BRD10: variants seen among roughly 807,000 people sequenced by gnomAD.
The protein encoded by BRD10 is bromodomain containing 10.
the BRD10 span, chr9:5,921,908 G>A: frequency 1.2e-6 from 2 of 1,613,962 alleles, no homozygotes; most frequent in South Asian, 2.2e-5. Context: ...CCCCATGGAT[G>A]GGGCAAAGCT....
the BRD10 span, among the ~76,000 whole-genome samples, chr9:5,925,065 T>G: frequency 6.6e-6 from 1 of 151,856 alleles, no homozygotes; most frequent in South Asian, 2.1e-4. Flanking sequence ...ACTTAAAAAA[T>G]TATATGTATC....
chr9:5,881,616 G>T, the BRD10 span: 1 of 152,248 alleles, frequency 6.6e-6, no homozygotes, highest in African/African-American at 2.4e-5. Context: ...TTGAAGGGCT[G>T]TGTACAGTGA....
the BRD10 span, chr9:5,954,079 A>G: frequency 3.9e-6 from 6 of 1,550,314 alleles, no homozygotes; most frequent in African/African-American, 4.1e-5. Flanking sequence ...TTGCTTTTTT[A>G]GAGACGGATT....
chr9:5,997,800 T>C, the BRD10 span, among the ~76,000 whole-genome samples: 2 of 152,100 alleles, frequency 1.3e-5, no homozygotes, highest in African/African-American at 4.8e-5. Context: ...CACTTATAGG[T>C]AGTGGGGTAG....
the BRD10 span, chr9:5,920,291 T>C: frequency 1.2e-6 from 2 of 1,613,974 alleles, no homozygotes; most frequent in Non-Finnish European, 1.7e-6. Context: ...TCCAAGACCT[T>C]GTGGTGGAAC....
the BRD10 span, among the ~76,000 whole-genome samples, chr9:5,985,275 C>T: frequency 6.6e-6 from 1 of 152,056 alleles, no homozygotes; most frequent in Admixed American, 6.5e-5. Context: ...ATAAACATAA[C>T]CAGAAAAACC....
the BRD10 span, among the ~76,000 whole-genome samples, chr9:5,906,667 G>C: frequency 6.6e-6 from 1 of 152,204 alleles, no homozygotes; most frequent in African/African-American, 2.4e-5. Flanking sequence ...TTTACTTCTA[G>C]TTAATTCCCA....
the BRD10 span, among the ~76,000 whole-genome samples, chr9:5,915,836 G>A: frequency 2.0e-5 from 3 of 152,254 alleles, no homozygotes; most frequent in East Asian, 1.9e-4. Flanking sequence ...CAAGAAGTGC[G>A]TAGAATACAT....
At chr9:5,941,559 A>G in the BRD10 span, among the ~76,000 whole-genome samples, 1 of 152,190 alleles carries the variant, frequency 6.6e-6, no homozygotes, top group South Asian at 2.1e-4. Flanking sequence ...AAATGGAGTG[A>G]TGGGATCAAG....
chr9:5,962,082 T>G, the BRD10 span, among the ~76,000 whole-genome samples: 59 of 149,202 alleles, frequency 4.0e-4, no homozygotes, highest in Middle Eastern at 3.2e-3. Flanking sequence ...GGGTGTCAAT[T>G]TTGGATCTTT....
chr9:5,955,938 G>T, the BRD10 span, among the ~76,000 whole-genome samples: 1 of 151,942 alleles, frequency 6.6e-6, no homozygotes, highest in Non-Finnish European at 1.5e-5. Flanking sequence ...TTGCTGAAGG[G>T]GGCTCATGAA....
chr9:5,979,239 C>T, the BRD10 span, among the ~76,000 whole-genome samples: 1 of 152,204 alleles, frequency 6.6e-6, no homozygotes, highest in Non-Finnish European at 1.5e-5. Context: ...ACTGGCTGGG[C>T]ATGGTGGCTC....
chr9:5,940,251 T>C, the BRD10 span, among the ~76,000 whole-genome samples: 1 of 152,168 alleles, frequency 6.6e-6, no homozygotes, highest in African/African-American at 2.4e-5. Flanking sequence ...TTGAGCACAG[T>C]GGTGCGATCT....
chr9:5,944,843 T>C, the BRD10 span: 1 of 1,130,034 alleles, frequency 8.8e-7, no homozygotes, highest in Non-Finnish European at 1.3e-6. Flanking sequence ...CTGACAATAA[T>C]AGATAGAACT....
the BRD10 span, among the ~76,000 whole-genome samples, chr9:5,963,638 C>G: frequency 1.3e-5 from 2 of 152,076 alleles, no homozygotes; most frequent in African/African-American, 4.8e-5. Flanking sequence ...AGGCATCACG[C>G]TACCTGACTT....
the BRD10 span, chr9:5,924,866 TAATA>T: frequency 6.4e-6 from 9 of 1,408,020 alleles, no homozygotes; most frequent in Non-Finnish European, 7.5e-6. Context: ...ATGCCCAACA[TAATA>T]AATAATACAT....
chr9:5,885,232 G>A, the BRD10 span, among the ~76,000 whole-genome samples: 1 of 152,170 alleles, frequency 6.6e-6, no homozygotes, highest in Non-Finnish European at 1.5e-5. Context: ...TTAACAATTA[G>A]CCATGGCCAT....
At chr9:5,938,309 G>T in the BRD10 span, among the ~76,000 whole-genome samples, 1 of 152,158 alleles carries the variant, frequency 6.6e-6, no homozygotes, top group East Asian at 1.9e-4. Flanking sequence ...AGGTGTGGTG[G>T]TTTGAGCCTT....
chr9:6,008,037 C>A, the BRD10 span: 3 of 1,131,774 alleles, frequency 2.7e-6, no homozygotes, highest in Non-Finnish European at 3.3e-6. Flanking sequence ...CCTCTCCCCT[C>A]CCCCCCGGCG....
Sources: gnomAD v4.1 joint callset for allele counts (sites outside exome capture counted in the v4.1 genomes callset) on GRCh38, gnomAD v4.1.1 for gene constraint, MANE v1.5 for transcripts, NCBI Gene and HGNC (gene_info 2026-07-23, HGNC 2026-07-21) for gene names.